Variants in RUNDC3B observed in about 807,000 individuals in gnomAD.
RUNDC3B encodes the protein RUN domain containing 3B.
RUNDC3B carries 33 observed loss-of-function variants against 58.4 expected under a neutral mutation model. The observed-to-expected ratio is 0.56, with a 90% CI of 0.43 to 0.75. The LOEUF (loss-of-function observed/expected upper bound fraction) is 0.75, where lower values mean the gene tolerates loss of function less well. Ranked by LOEUF, RUNDC3B falls within the 30% of genes least tolerant of loss-of-function variation. RUNDC3B has a pLI of 0.00. For missense variants in RUNDC3B, 501 were observed against 535.7 expected (o/e 0.94, Z 0.64); for synonymous variants, 193 against 195.2 (o/e 0.99, Z 0.10).
chr7:87,629,845 G>A (rs140823126), intron 1 of RUNDC3B, among the ~76,000 whole-genome samples: 1,554 of 151,452 alleles, frequency 0.01, 27 homozygotes, highest in African/African-American at 0.036. Context: ...AGAATCGATT[G>A]AACCTGGGAG....
intron 6 of RUNDC3B, among the ~76,000 whole-genome samples, chr7:87,768,210 A>T (rs540497214): frequency 6.6e-6 from 1 of 152,170 alleles, no homozygotes; most frequent in Non-Finnish European, 1.5e-5. Context: ...ACAGTCACCC[A>T]TCTTGTCACA....
At chr7:87,789,317 C>T (rs1254839161) in intron 8 of RUNDC3B, among the ~76,000 whole-genome samples, 1 of 152,160 alleles carries the variant, frequency 6.6e-6, no homozygotes, top group African/African-American at 2.4e-5. Context: ...TGAAGTGTCA[C>T]TCATAGTGAA....
At chr7:87,799,764 G>A (rs1281600643) in intron 8 of RUNDC3B, among the ~76,000 whole-genome samples, 5 of 151,864 alleles carry the variant, frequency 3.3e-5, no homozygotes, top group South Asian at 2.1e-4. Flanking sequence ...GCGTGTGCCT[G>A]TAGTCCCAGC....
chr7:87,628,619 G>A lies in RUNDC3B; in HGVS notation c.-205G>A. 2 of 307,002 alleles carry A rather than the reference G, an allele frequency of 6.5e-6. No homozygotes were observed. The highest frequency in any genetic ancestry group is 5.5e-5 in the Admixed American group (1 of 18,244). 19.0% of individuals were successfully genotyped at this position (307,002 alleles called of 1,614,324 possible). On this transcript the variant is annotated 5_prime_UTR_variant, in exon 1 of 11. The change creates a new upstream start codon in the 5' untranslated region. Transcript: ENST00000394654. Reference sequence around the variant, plus strand: ...TGTGTGTGTGTGTGTGTGTGTGTGTGTGTGTGGAGCTCGGGTGCCAAGGGC... The same window carrying A: ...TGTGTGTGTGTGTGTGTGTGTGTGTATGTGTGGAGCTCGGGTGCCAAGGGC...
chr7:87,669,127 C>A (rs1438812833), intron 2 of RUNDC3B, among the ~76,000 whole-genome samples: 1 of 152,044 alleles, frequency 6.6e-6, no homozygotes, highest in African/African-American at 2.4e-5. Context: ...CTTTGTAGGT[C>A]TCTAAGAACT....
chr7:87,681,783 G>A (rs1218735178), intron 2 of RUNDC3B, among the ~76,000 whole-genome samples: 1 of 137,986 alleles, frequency 7.2e-6, no homozygotes, highest in Admixed American at 7.4e-5. Context: ...AGCCAAGGCA[G>A]GAGGATCACT....
At chr7:87,724,934 ATAAT>A (rs1180836586) in intron 4 of RUNDC3B, among the ~76,000 whole-genome samples, 4 of 152,040 alleles carry the variant, frequency 2.6e-5, no homozygotes, top group Non-Finnish European at 5.9e-5. Flanking sequence ...TAGAAAAGAA[ATAAT>A]TATTCATTTG....
At chr7:87,747,654 G>A (rs779698415) in intron 6 of RUNDC3B, among the ~76,000 whole-genome samples, 2 of 152,154 alleles carry the variant, frequency 1.3e-5, no homozygotes, top group South Asian at 4.1e-4. Flanking sequence ...GGCGGGTCTT[G>A]CTATGGCTGC....
Position 87,687,325 on chromosome 7 carries a change from G to GACCTCATCCA in RUNDC3B, c.239-13096_239-13095insACCTCATCCA, listed in dbSNP as rs1563134111. Reference sequence around the variant, plus strand: ...GCACACTTCTTCTAGTATCTGAATGGTTAACACCCTCATCCATTTGAAAAC... The same window carrying GACCTCATCCA: ...GCACACTTCTTCTAGTATCTGAATGGACCTCATCCATTAACACCCTCATCCATTTGAAAAC... On this transcript the variant is annotated intron_variant, in intron 2 of 10. Transcript: ENST00000394654. 2.7e-3 allele frequency among the ~76,000 whole-genome samples: 413 copies of GACCTCATCCA among 152,126 alleles called. 2 individuals are homozygous for GACCTCATCCA. The highest frequency in any genetic ancestry group is 9.3e-3 in the African/African-American group (385 of 41,510).
intron 10 of RUNDC3B, among the ~76,000 whole-genome samples, chr7:87,823,998 A>G (rs936315004): frequency 2.0e-5 from 3 of 152,186 alleles, no homozygotes; most frequent in African/African-American, 7.2e-5. Context: ...ACAATAGTGA[A>G]GCAGGAAAAA....
At chr7:87,691,276 GCTGT>G (rs903733656) in intron 2 of RUNDC3B, among the ~76,000 whole-genome samples, 3 of 152,108 alleles carry the variant, frequency 2.0e-5, no homozygotes, top group Admixed American at 6.5e-5. Flanking sequence ...GTCAGGAAAT[GCTGT>G]CTGTCTTCAG....
At chr7:87,786,454 A>G (rs56397035) in intron 8 of RUNDC3B, among the ~76,000 whole-genome samples, 2,142 of 151,978 alleles carry the variant, frequency 0.014, 53 homozygotes, top group African/African-American at 0.049. Flanking sequence ...AGTTTGTCCT[A>G]TGAGGCATCA....
At chr7:87,801,269 G>C (rs966596542) in intron 8 of RUNDC3B, among the ~76,000 whole-genome samples, 10 of 152,170 alleles carry the variant, frequency 6.6e-5, no homozygotes, top group African/African-American at 2.4e-4. Flanking sequence ...CCAAGGAATA[G>C]AAAGAAAGAA....
intron 6 of RUNDC3B, among the ~76,000 whole-genome samples, chr7:87,746,260 T>C (rs1189531698): frequency 5.9e-5 from 9 of 152,206 alleles, no homozygotes; most frequent in Admixed American, 5.9e-4. Flanking sequence ...TGCTGTGGGA[T>C]AGAATGTGTA....
intron 2 of RUNDC3B, among the ~76,000 whole-genome samples, chr7:87,687,896 A>G (rs1447309353): frequency 3.9e-5 from 6 of 152,208 alleles, no homozygotes; most frequent in African/African-American, 1.4e-4. Flanking sequence ...ATGGATAATC[A>G]TAAACCTGTT....
chr7:87,704,619 A>G (rs1311361922), intron 3 of RUNDC3B, among the ~76,000 whole-genome samples: 1 of 152,232 alleles, frequency 6.6e-6, no homozygotes, highest in East Asian at 1.9e-4. Context: ...GAGAGTTAAT[A>G]TTTATTCTGT....
At chr7:87,661,313 T>C (rs1410147644) in intron 2 of RUNDC3B, among the ~76,000 whole-genome samples, 1 of 151,950 alleles carries the variant, frequency 6.6e-6, no homozygotes, top group Non-Finnish European at 1.5e-5. Context: ...AAATTATTAT[T>C]AACTGTAGTC....
intron 8 of RUNDC3B, among the ~76,000 whole-genome samples, chr7:87,802,337 A>C (rs942471261): frequency 2.6e-5 from 4 of 152,006 alleles, no homozygotes; most frequent in African/African-American, 9.7e-5. Context: ...TGAGGCTGCA[A>C]CGAGCCATGA....
chr7:87,782,429 T>C (rs1254487122), intron 8 of RUNDC3B, among the ~76,000 whole-genome samples: 1 of 152,134 alleles, frequency 6.6e-6, no homozygotes, highest in African/African-American at 2.4e-5. Flanking sequence ...ATGTTTGGTT[T>C]TATTGATCCT....
Sources: gnomAD v4.1 joint callset for allele counts (sites outside exome capture counted in the v4.1 genomes callset) on GRCh38, gnomAD v4.1.1 for gene constraint, MANE v1.5 for transcripts, NCBI Gene and HGNC (gene_info 2026-07-23, HGNC 2026-07-21) for gene names.